RB1CC1: variants seen among roughly 807,000 people sequenced by gnomAD.
RB1CC1 encodes RB1-inducible coiled-coil protein 1.
A neutral mutation model predicts 177.5 loss-of-function variants in RB1CC1; 46 were observed. That is an observed-to-expected ratio of 0.26 (90% CI 0.20 to 0.33). The LOEUF is 0.33. Ranked by LOEUF, RB1CC1 falls within the 10% of genes least tolerant of loss-of-function variation. The pLI is 1.00. For synonymous variants in RB1CC1, 666 were observed against 613.6 expected (o/e 1.09, Z -1.26); for missense variants, 1,703 against 1,816.3 (o/e 0.94, Z 1.13).
At chr8:52,627,347 G>A (rs532672827) in intron 22 of RB1CC1, among the ~76,000 whole-genome samples, 42 of 151,792 alleles carry the variant, frequency 2.8e-4, no homozygotes, top group South Asian at 2.5e-3. Flanking sequence ...ACTCCGTTTC[G>A]AAAAAAAATA....
rs747164275 is a variant in RB1CC1 at position 52,657,975 on chromosome 8, CTGTT to C, written c.1920+19_1920+22del. ...AAACATTTTACACTAATGAAGAAAA[CTGTT>C]TGAAAGAATTGAATTTGCCTTTTGT... is the stretch of plus-strand genomic sequence containing the variant. On this transcript the variant is annotated intron_variant, in intron 14 of 23. Coordinates refer to ENST00000025008, the MANE Select transcript of RB1CC1 (RefSeq NM_014781.5). The C allele has an allele frequency of 4.1e-5, 66 of 1,613,136 alleles. No homozygotes were observed. The highest frequency in any genetic ancestry group is 6.7e-5 in the African/African-American group (5 of 74,826).
At chr8:52,684,912 T>G (rs757711902) in intron 3 of RB1CC1, among the ~76,000 whole-genome samples, 6 of 152,128 alleles carry the variant, frequency 3.9e-5, no homozygotes, top group African/African-American at 7.2e-5. Flanking sequence ...AAAGCACAAT[T>G]TAAAGAATGT....
chr8:52,670,401 C>T (rs989149616), intron 7 of RB1CC1, among the ~76,000 whole-genome samples: 2 of 152,162 alleles, frequency 1.3e-5, no homozygotes, highest in Non-Finnish European at 2.9e-5. Flanking sequence ...AATTTTTACT[C>T]TTGGGCTCTT....
intron 8 of RB1CC1, among the ~76,000 whole-genome samples, chr8:52,663,966 T>C (rs1417396688): frequency 2.6e-5 from 4 of 152,146 alleles, no homozygotes; most frequent in Non-Finnish European, 5.9e-5. Context: ...TAATTAATAA[T>C]TACAACTGTG....
chr8:52,710,342 A>C (rs1303977312), intron 1 of RB1CC1, among the ~76,000 whole-genome samples: 1 of 152,236 alleles, frequency 6.6e-6, no homozygotes, highest in Non-Finnish European at 1.5e-5. Flanking sequence ...GAATGAAGCG[A>C]GCATTTAGAA....
intron 5 of RB1CC1, among the ~76,000 whole-genome samples, chr8:52,681,268 T>C (rs988062857): frequency 6.6e-6 from 1 of 152,114 alleles, no homozygotes; most frequent in South Asian, 2.1e-4. Flanking sequence ...AGTGCTGGGA[T>C]TACAGGCATA....
At chr8:52,628,264 A>C in intron 21 of RB1CC1, 96 bp from the exon 22 acceptor site, 1 of 1,189,684 alleles carries the variant, frequency 8.4e-7, no homozygotes, top group Non-Finnish European at 1.2e-6. Flanking sequence ...ACTACATATT[A>C]AGATATTAAT....
intron 13 of RB1CC1, 140 bp downstream of exon 13, chr8:52,658,733 G>C (rs1851323551): frequency 2.1e-6 from 1 of 467,322 alleles, no homozygotes; most frequent in East Asian, 3.6e-5. Context: ...ATTTCTCAAA[G>C]CAGTCACAGG....
intron 12 of RB1CC1, among the ~76,000 whole-genome samples, chr8:52,659,265 G>GT (rs569724640): frequency 1.6e-3 from 251 of 152,126 alleles, no homozygotes; most frequent in Non-Finnish European, 3.0e-3. Flanking sequence ...TCCTGTATGT[G>GT]TATGTATGTA....
At chr8:52,683,842 G>A (rs1854000481) in intron 4 of RB1CC1, 45 bp downstream of exon 4, 2 of 1,602,220 alleles carry the variant, frequency 1.2e-6, no homozygotes, top group Non-Finnish European at 8.5e-7. Flanking sequence ...CCAATGTGAT[G>A]TAAAGATGTT....
chr8:52,707,048 G>C (rs1856624428), intron 1 of RB1CC1, among the ~76,000 whole-genome samples: 1 of 152,144 alleles, frequency 6.6e-6, no homozygotes, highest in Admixed American at 6.5e-5. Flanking sequence ...TTCAAGTCCT[G>C]GCCCAATGTG....
intron 7 of RB1CC1, among the ~76,000 whole-genome samples, chr8:52,672,395 A>G (rs1388331381): frequency 6.6e-6 from 1 of 152,188 alleles, no homozygotes; most frequent in Non-Finnish European, 1.5e-5. Context: ...AGCCGATTTC[A>G]GGTTCGCTTC....
intron 5 of RB1CC1, among the ~76,000 whole-genome samples, chr8:52,680,894 G>C (rs1044932906): frequency 4.6e-5 from 7 of 152,100 alleles, no homozygotes; most frequent in African/African-American, 1.4e-4. Context: ...TTAATGAACA[G>C]GGAGGATGAA....
intron 1 of RB1CC1, among the ~76,000 whole-genome samples, chr8:52,708,249 G>A (rs1856755350): frequency 6.6e-6 from 1 of 152,192 alleles, no homozygotes; most frequent in South Asian, 2.1e-4. Flanking sequence ...GGGCACACTG[G>A]CTCACGCCTG....
chr8:52,710,587 T>TA (rs1269005553), intron 1 of RB1CC1, among the ~76,000 whole-genome samples: 1 of 152,166 alleles, frequency 6.6e-6, no homozygotes, highest in East Asian at 1.9e-4. Context: ...TCAGTACATA[T>TA]AAATGCATTA....
intron 20 of RB1CC1, among the ~76,000 whole-genome samples, chr8:52,633,844 T>C (rs923719653): frequency 2.0e-5 from 3 of 152,164 alleles, no homozygotes; most frequent in Non-Finnish European, 4.4e-5. Flanking sequence ...ATCCCAGCAC[T>C]TGGGGAGGCT....
At chr8:52,634,098 CAG>C (rs1848954131) in intron 20 of RB1CC1, among the ~76,000 whole-genome samples, 4 of 151,988 alleles carry the variant, frequency 2.6e-5, no homozygotes, top group Admixed American at 1.3e-4. Context: ...GCCTGGGCAA[CAG>C]AGAGAGACCT....
intron 8 of RB1CC1, among the ~76,000 whole-genome samples, chr8:52,664,090 G>C (rs1851855221): frequency 6.6e-6 from 1 of 152,202 alleles, no homozygotes; most frequent in Admixed American, 6.5e-5. Flanking sequence ...CCTTGACTCT[G>C]TACATCCCTT....
In RB1CC1 at chr8:52,690,001, C is replaced by T. The variant is rs186662436; in HGVS notation, c.-166-3034G>A. Among the ~76,000 whole-genome samples the T allele has an allele frequency of 2.0e-4, 31 of 152,122 alleles. No individual in the cohort carries two copies. The East Asian group carries it at 5.0e-3, about 25-fold the overall frequency. On this transcript the variant is annotated intron_variant, in intron 1 of 23. Transcript: ENST00000025008. The stretch of plus-strand genomic sequence containing the variant: ...ATAATTATCATAAATGTGATACTTT[C>T]TAAGAAATATGTGGAGAGTGACAGG...
Sources: allele counts gnomAD v4.1 joint callset (sites outside exome capture counted in the v4.1 genomes callset), GRCh38; gene constraint gnomAD v4.1.1; transcripts MANE v1.5; gene names NCBI Gene and HGNC (gene_info 2026-07-23, HGNC 2026-07-21).